ARHGAP26: variants seen among roughly 807,000 people sequenced by gnomAD.
The protein encoded by ARHGAP26 is rho GTPase-activating protein 26.
Under a neutral mutation model 104.8 loss-of-function variants are expected in ARHGAP26, and 38 were observed. The ratio of observed to expected loss-of-function variants is 0.36; its 90% CI spans 0.28 to 0.48. ARHGAP26 has a LOEUF of 0.48. ARHGAP26 is among the 20% of genes least tolerant of loss of function. The probability of loss-of-function intolerance (pLI) is 0.99; values close to 1 mark genes in which losing one functional copy is unlikely to be tolerated. For missense variants in ARHGAP26, 704 were observed against 947.9 expected (o/e 0.74, Z 3.38); for synonymous variants, 341 against 340.0 (o/e 1.00, Z -0.03).
chr5:143,155,599 C>T (rs1206717152), intron 20 of ARHGAP26, among the ~76,000 whole-genome samples: 1 of 152,214 alleles, frequency 6.6e-6, no homozygotes. Context: ...ACCAGGGACC[C>T]ATCGGTGGCA....
intron 3 of ARHGAP26, among the ~76,000 whole-genome samples, chr5:142,877,670 A>C (rs1756328275): frequency 6.6e-6 from 1 of 152,218 alleles, no homozygotes; most frequent in Non-Finnish European, 1.5e-5. Flanking sequence ...TTCGTTTTAT[A>C]AGCGACTACT....
chr5:143,117,767 T>C (rs540194146), intron 17 of ARHGAP26, among the ~76,000 whole-genome samples: 60 of 152,348 alleles, frequency 3.9e-4, no homozygotes, highest in African/African-American at 1.4e-3. Context: ...AAATGGAACA[T>C]AGCTGAAGAC....
rs570641304 is a variant in ARHGAP26, at chr5:143,009,783, C to T, written c.1108-4297C>T. The stretch of plus-strand genomic sequence containing the variant: ...CTATACCTACATCAAAGTATAGAAA[C>T]CCAAAGGAGATAATGTTCCCAAGTT... On this transcript the variant is annotated intron_variant, in intron 11 of 22. Transcript: ENST00000645722. Among the ~76,000 whole-genome samples the T allele has an allele frequency of 3.9e-5, 6 of 152,194 alleles. No individual in the cohort carries two copies. In the South Asian group the frequency reaches 1.2e-3, roughly 32 times the overall value.
intron 12 of ARHGAP26, among the ~76,000 whole-genome samples, chr5:143,020,878 G>A (rs1049143797): frequency 6.6e-5 from 10 of 152,094 alleles, no homozygotes; most frequent in African/African-American, 2.2e-4. Context: ...CTGACCTCAT[G>A]ATCCGCCCAT....
chr5:142,901,721 G>A (rs1760366871), intron 6 of ARHGAP26, among the ~76,000 whole-genome samples: 1 of 152,196 alleles, frequency 6.6e-6, no homozygotes, highest in Non-Finnish European at 1.5e-5. Context: ...TTAAAATGGG[G>A]ATAACAGTAG....
intron 1 of ARHGAP26, 113 bp downstream of exon 1, chr5:142,771,028 G>T: frequency 6.9e-7 from 1 of 1,448,000 alleles, no homozygotes; most frequent in Non-Finnish European, 9.2e-7. Flanking sequence ...GGTACACTGG[G>T]GGACGGGTGT....
intron 1 of ARHGAP26, among the ~76,000 whole-genome samples, chr5:142,857,244 T>G (rs940457751): frequency 6.6e-6 from 1 of 152,196 alleles, no homozygotes; most frequent in South Asian, 2.1e-4. Context: ...AGTCACATTC[T>G]GAGGTTCCGG....
chr5:143,157,051 T>C (rs927073645), intron 20 of ARHGAP26, among the ~76,000 whole-genome samples: 1 of 152,184 alleles, frequency 6.6e-6, no homozygotes, highest in African/African-American at 2.4e-5. Context: ...TATGTGATAC[T>C]GAAGGTGATG....
At chr5:142,771,094 T>C in intron 1 of ARHGAP26, 179 bp downstream of exon 1, 2 of 1,342,084 alleles carry the variant, frequency 1.5e-6, no homozygotes, top group South Asian at 3.8e-5. Context: ...AACCATCAGA[T>C]GAAGAGAGAG....
Position 143,227,511 on chromosome 5 carries a change from G to A in ARHGAP26, c.*5065G>A, listed in dbSNP as rs1160018584. 8.7e-6 allele frequency: 2 copies of A among 230,720 alleles called. No individual in the cohort carries two copies. Among genetic ancestry groups the A allele is most frequent in the African/African-American group, 2.2e-5 (1 of 45,140 alleles). 14.3% of individuals were successfully genotyped at this position (230,720 alleles called of 1,614,324 possible). On this transcript the variant is annotated 3_prime_UTR_variant, in exon 23 of 23. Transcript: ENST00000645722. ...GGTGCTGAACCGCCTCTCTGTAATTGTAGCATCAAAATGACAACAGCAGCA... is the reference window on the plus strand; with the variant it reads ...GGTGCTGAACCGCCTCTCTGTAATTATAGCATCAAAATGACAACAGCAGCA...
intron 1 of ARHGAP26, among the ~76,000 whole-genome samples, chr5:142,845,575 CCTT>C (rs2152224445): frequency 6.6e-6 from 1 of 152,302 alleles, no homozygotes; most frequent in East Asian, 1.9e-4. Context: ...CTCTAGGTGG[CCTT>C]CTCAGTGCTG....
chr5:143,000,995 G>C (rs1240366749), intron 11 of ARHGAP26, among the ~76,000 whole-genome samples: 1 of 151,918 alleles, frequency 6.6e-6, no homozygotes, highest in Non-Finnish European at 1.5e-5. Flanking sequence ...GTATACCTAT[G>C]TAACAAACCT....
chr5:143,048,309 G>A (rs2150199658), intron 14 of ARHGAP26, among the ~76,000 whole-genome samples: 1 of 152,188 alleles, frequency 6.6e-6, no homozygotes, highest in South Asian at 2.1e-4. Context: ...CACCCACGCT[G>A]GAATGCAGTG....
At chr5:142,826,328 T>C (rs963431642) in intron 1 of ARHGAP26, among the ~76,000 whole-genome samples, 3 of 152,210 alleles carry the variant, frequency 2.0e-5, no homozygotes, top group Admixed American at 2.0e-4. Context: ...GAGGAGGCGC[T>C]GTACACAGTT....
chr5:143,198,726 TA>T (rs1438625898), intron 20 of ARHGAP26, among the ~76,000 whole-genome samples: 1 of 152,226 alleles, frequency 6.6e-6, no homozygotes, highest in African/African-American at 2.4e-5. Context: ...GAATTTTGTT[TA>T]AATCATAGAA....
chr5:142,865,614 G>A lies in ARHGAP26; in HGVS notation c.155-7786G>A, dbSNP rs539929086. 5.9e-5 allele frequency among the ~76,000 whole-genome samples: 9 copies of A among 151,434 alleles called. No individual in the cohort carries two copies. The South Asian group carries it at 1.9e-3, about 32-fold the overall frequency. ...GTTACCTACAGGGAGAATGCCCCTT[G>A]GCTGTGGTTGCACATTCTCATAGTG... On this transcript the variant is annotated intron_variant, in intron 1 of 22. Transcript: ENST00000645722.
At chr5:142,988,939 G>A (rs369333936) in intron 11 of ARHGAP26, among the ~76,000 whole-genome samples, 5 of 152,164 alleles carry the variant, frequency 3.3e-5, no homozygotes, top group Admixed American at 6.5e-5. Context: ...AATAAGTGTC[G>A]TCTGGTGCTG....
chr5:143,034,141 T>G (rs538142434), intron 12 of ARHGAP26, among the ~76,000 whole-genome samples: 3 of 152,298 alleles, frequency 2.0e-5, no homozygotes, highest in Admixed American at 1.3e-4. Context: ...CCTCGTACAT[T>G]GCGGGTAGGA....
intron 11 of ARHGAP26, among the ~76,000 whole-genome samples, chr5:143,006,938 A>C (rs140073672): frequency 0.024 from 3,715 of 152,242 alleles, 63 homozygotes; most frequent in Middle Eastern, 0.051. Flanking sequence ...GTGTTATTAA[A>C]AGTTCCTAAG....
Sources: gnomAD v4.1 joint callset for allele counts (sites outside exome capture counted in the v4.1 genomes callset) on GRCh38, gnomAD v4.1.1 for gene constraint, MANE v1.5 for transcripts, NCBI Gene and HGNC (gene_info 2026-07-23, HGNC 2026-07-21) for gene names.